PLIN2: variants seen among roughly 807,000 people sequenced by gnomAD.
PLIN2 encodes perilipin 2.
Under a neutral mutation model 30.6 loss-of-function variants are expected in PLIN2, and 33 were observed. The ratio of observed to expected loss-of-function variants is 1.08; its 90% CI spans 0.82 to 1.44. The LOEUF is 1.44. PLIN2 is among the 40% of genes most tolerant of loss of function. The probability of loss-of-function intolerance (pLI) is 0.00; values close to 1 mark genes in which losing one functional copy is unlikely to be tolerated. For missense variants in PLIN2, 610 were observed against 531.8 expected (o/e 1.15, Z -1.45); for synonymous variants, 205 against 201.1 (o/e 1.02, Z -0.16).
intron 4 of PLIN2, 65 bp from the exon 5 acceptor site, chr9:19,121,230 C>A: frequency 7.1e-7 from 1 of 1,418,352 alleles, no homozygotes; most frequent in Non-Finnish European, 9.8e-7. Context: ...TACCTAAGGT[C>A]TTAACTAAGG....
chr9:19,124,598 T>A (rs10757027), intron 3 of PLIN2, among the ~76,000 whole-genome samples: 87,307 of 152,048 alleles, frequency 0.57, 25,923 homozygotes, highest in Non-Finnish European at 0.65. Flanking sequence ...GCAGTTCATG[T>A]TGTGGAGAAA....
intron 3 of PLIN2, chr9:19,125,891 C>G (rs1818388001): frequency 2.3e-6 from 1 of 442,782 alleles, no homozygotes; most frequent in Non-Finnish European, 4.1e-6. Context: ...CCACTGAACT[C>G]CAGCCTGAGT....
At chr9:19,111,489 G>A (rs545449722), downstream of PLIN2, among the ~76,000 whole-genome samples, 351 of 152,150 alleles carry the variant, frequency 2.3e-3, no homozygotes, top group South Asian at 0.023. Flanking sequence ...CTCTATTCCT[G>A]ACTCTCAGCT....
chr9:19,120,665 T>G lies in PLIN2; in HGVS notation c.595+215A>C, dbSNP rs1014834733. Among the ~76,000 whole-genome samples, 35 of 152,014 alleles carry G rather than the reference T, an allele frequency of 2.3e-4. 1 individual carries two copies. The highest frequency in any genetic ancestry group is 6.8e-4 in the African/African-American group (28 of 41,390). On this transcript the variant is annotated intron_variant, in intron 5 of 7. Coordinates refer to ENST00000276914, the MANE Select transcript of PLIN2 (RefSeq NM_001122.4). Reference sequence around the variant, plus strand: ...TTCGAGATCAGCCTGGGCAACATAGTGAGATCCCATCTCTATAAAATTAAA... The same window carrying G: ...TTCGAGATCAGCCTGGGCAACATAGGGAGATCCCATCTCTATAAAATTAAA...
At chr9:19,121,842 A>T (rs1042874363) in intron 4 of PLIN2, among the ~76,000 whole-genome samples, 4 of 152,212 alleles carry the variant, frequency 2.6e-5, no homozygotes, top group Non-Finnish European at 5.9e-5. Flanking sequence ...GAGGCAGAAG[A>T]ATCACTTGAA....
intron 7 of PLIN2, among the ~76,000 whole-genome samples, chr9:19,118,095 T>C (rs1029176277): frequency 3.3e-5 from 5 of 152,206 alleles, no homozygotes; most frequent in African/African-American, 7.2e-5. Flanking sequence ...TGTTTCTCAT[T>C]TAGTTGTATC....
chr9:19,119,713 C>G lies in PLIN2; in HGVS notation c.714G>C (p.Arg238Ser). The G allele has an allele frequency of 1.9e-6, 3 of 1,612,068 alleles. No homozygotes were observed. The highest frequency in any genetic ancestry group is 2.5e-6 in the Non-Finnish European group (3 of 1,178,718). ...GGCTTTTTTGCTTAGCTTCTTTAAC[C>G]CTGCTGAGAGCCTGCTGGTAGGCAC... The part of the protein sequence containing the change: ...HSRAYQQALS[R>S]VKEAKQKSQQ... Residue 238 changes from arginine (R) to serine (S), a missense_variant, in exon 6 of 8, where the codon AGG becomes AGC. Arg to Ser is a moderately radical substitution (Grantham distance 110). Coordinates refer to ENST00000276914, the MANE Select transcript of PLIN2 (RefSeq NM_001122.4).
chr9:19,124,339 C>T (rs964119080), intron 3 of PLIN2, among the ~76,000 whole-genome samples: 3 of 152,124 alleles, frequency 2.0e-5, no homozygotes, highest in Non-Finnish European at 4.4e-5. Flanking sequence ...TCCCTACCTA[C>T]GCTTACTTCA....
At position 19,126,410 on chromosome 9, in the gene PLIN2, A is replaced by G. The variant is rs1363318370; in HGVS notation, c.17T>C (p.Val6Ala). 6.2e-6 allele frequency: 10 copies of G among 1,613,638 alleles called. No homozygotes were observed. The change falls in exon 2 of 8, where the codon GTT becomes GCT. Residue 6 changes from valine to alanine, a missense_variant. Physicochemically the swap from Val to Ala is moderately conservative, Grantham distance 64 (BLOSUM62 0). Transcript: ENST00000276914. ...CAAAATTCATACCGGTTGTGGATCA[A>G]CTGCAACGGATGCCATTTTTCTTCC... The part of the protein sequence containing the change: MASVA[V>A]DPQPSVVTRV...
At chr9:19,124,377 A>G (rs1818365392) in intron 3 of PLIN2, among the ~76,000 whole-genome samples, 2 of 151,916 alleles carry the variant, frequency 1.3e-5, no homozygotes, top group South Asian at 2.1e-4. Context: ...TGGGGTCCTC[A>G]GGAGGAAAGA....
In PLIN2 at chr9:19,118,256, T is replaced by C. The variant is rs927164673; in HGVS notation, c.912+65A>G. The C allele has an allele frequency of 4.8e-6, 7 of 1,460,136 alleles. No homozygotes were observed. The Admixed American group carries it at 6.4e-5, about 13-fold the overall frequency. 90.4% of individuals were successfully genotyped at this position (1,460,136 alleles called of 1,614,324 possible). A position where few individuals can be genotyped will look rare whatever the true frequency, so the allele number is the denominator to read the frequency against. Reference sequence around the variant, plus strand: ...TATTCTAAGACATAGTATGGAAAAATTGAAATGAAAAGTCTGATAAGAACT... The same window carrying C: ...TATTCTAAGACATAGTATGGAAAAACTGAAATGAAAAGTCTGATAAGAACT... On this transcript the variant is annotated intron_variant, in intron 7 of 7. Transcript: ENST00000276914.
In PLIN2 at chr9:19,126,132, GGAT is replaced by G; in HGVS notation, c.205_207del (p.Ile69del). 1 of 1,613,928 alleles carries G rather than the reference GGAT, an allele frequency of 6.2e-7. No homozygotes were observed. The highest frequency in any genetic ancestry group is 8.5e-7 in the Non-Finnish European group (1 of 1,179,882). ...AACTCACTTTGCGGCTCTAGCTTCT[GGAT>G]GATGGGCAGAGCACTGGTCATGGCC... On this transcript the variant is annotated inframe_deletion, in exon 3 of 8. Coordinates refer to ENST00000276914, the MANE Select transcript of PLIN2 (RefSeq NM_001122.4).
intron 7 of PLIN2, 78 bp downstream of exon 7, chr9:19,118,243 T>C (rs1818260584): frequency 1.5e-6 from 2 of 1,341,208 alleles, no homozygotes; most frequent in South Asian, 1.4e-5. Context: ...TTCTAAGACA[T>C]AGTATGGAAA....
rs1272190618 is a variant in PLIN2, at chr9:19,116,570, T to A, written c.992A>T (p.Asn331Ile). 1.9e-6 allele frequency: 3 copies of A among 1,614,174 alleles called. No individual in the cohort carries two copies. ...LQTTCHTLLS[N>I]IQGVPQNIQD... ...GATGTTCTGTGGTACACCTTGGATG[T>A]TGGACAGGAGGGTGTGGCACGTGGT... is the stretch of plus-strand genomic sequence containing the variant. The change falls in exon 8 of 8, where the codon AAC (asparagine) becomes ATC (isoleucine). Residue 331 changes from asparagine to isoleucine, a missense_variant. By Grantham distance (149) the Asn-to-Ile change is moderately radical. Transcript: ENST00000276914.
In PLIN2 at chr9:19,115,877, C is replaced by G. The variant is rs72698311; in HGVS notation, c.*371G>C. ...GCATCATGAGATAAAGCAGTGAAGA[C>G]GCCTTTTCAGATCACACCAGAGCAG... is the stretch of plus-strand genomic sequence containing the variant. On this transcript the variant is annotated 3_prime_UTR_variant, in exon 8 of 8. Coordinates refer to ENST00000276914, the MANE Select transcript of PLIN2 (RefSeq NM_001122.4). 0.041 allele frequency: 6,910 copies of G among 168,166 alleles called. 207 individuals carry two copies. The highest frequency in any genetic ancestry group is 0.056 in the Non-Finnish European group (4,358 of 78,432). 10.4% of individuals were successfully genotyped at this position (168,166 alleles called of 1,614,324 possible).
intron 1 of PLIN2, among the ~76,000 whole-genome samples, chr9:19,126,713 A>G (rs1156337782): frequency 6.6e-6 from 1 of 152,162 alleles, no homozygotes; most frequent in Non-Finnish European, 1.5e-5. Flanking sequence ...AGTTGTTGAC[A>G]TACTTCTCTT....
At chr9:19,116,678 G>T in intron 7 of PLIN2, 29 bp from the exon 8 acceptor site, 1 of 1,587,358 alleles carries the variant, frequency 6.3e-7, no homozygotes, top group Non-Finnish European at 8.6e-7. Flanking sequence ...ATTAGCAGTG[G>T]ATCCAACAGT....
At position 19,116,359 on chromosome 9, in the gene PLIN2, C is replaced by CA; in HGVS notation, c.1202dup (p.Val402GlyfsTer10). On this transcript the variant is annotated frameshift_variant, in exon 8 of 8. Coordinates refer to ENST00000276914, the MANE Select transcript of PLIN2 (RefSeq NM_001122.4). LOFTEE classifies it low-confidence loss of function (END_TRUNC). ...TCAGCTGAGGATAAAAGGGACCTAC[C>CA]AGCCAGTTGAGGGGCGTGTTGTTAA... 1 of 1,614,162 alleles carries CA rather than the reference C, an allele frequency of 6.2e-7. No individual in the cohort carries two copies. Among genetic ancestry groups the CA allele is most frequent in the Non-Finnish European group, 8.5e-7 (1 of 1,180,036 alleles).
intron 3 of PLIN2, among the ~76,000 whole-genome samples, chr9:19,124,390 A>T (rs1818365746): frequency 1.3e-5 from 2 of 152,092 alleles, no homozygotes; most frequent in African/African-American, 4.8e-5. Flanking sequence ...AGGAAAGAGT[A>T]TGCCAAGACC....
Sources: gnomAD v4.1 joint callset for allele counts (sites outside exome capture counted in the v4.1 genomes callset) on GRCh38, gnomAD v4.1.1 for gene constraint, MANE v1.5 for transcripts, NCBI Gene and HGNC (gene_info 2026-07-23, HGNC 2026-07-21) for gene names.